FAM13B: variants seen among roughly 807,000 people sequenced by gnomAD.
FAM13B encodes the protein protein FAM13B.
Under a neutral mutation model 117.3 loss-of-function variants are expected in FAM13B, and 60 were observed. That is an observed-to-expected ratio of 0.51 (90% CI 0.42 to 0.63). FAM13B has a LOEUF of 0.63. FAM13B is among the 30% of genes least tolerant of loss of function. The pLI is 0.00. For missense variants in FAM13B, 972 were observed against 1,091.9 expected, an observed-to-expected ratio of 0.89 and a Z score of 1.55; for synonymous variants, 332 against 356.1, an observed-to-expected ratio of 0.93 and a Z score of 0.76.
intron 17 of FAM13B, among the ~76,000 whole-genome samples, chr5:137,949,480 A>T (rs989038180): frequency 5.3e-5 from 8 of 152,108 alleles, no homozygotes; most frequent in African/African-American, 1.9e-4. Context: ...TCTACAAAAA[A>T]TTTTTTAAAT....
At chr5:138,006,668 T>C (rs1782646904) in intron 7 of FAM13B, among the ~76,000 whole-genome samples, 1 of 152,260 alleles carries the variant, frequency 6.6e-6, no homozygotes, top group South Asian at 2.1e-4. Context: ...GATATACAAG[T>C]CAATTCAGTC....
At chr5:137,976,101 C>T (rs181290953) in intron 10 of FAM13B, among the ~76,000 whole-genome samples, 146 of 150,874 alleles carry the variant, frequency 9.7e-4, no homozygotes, top group African/African-American at 3.3e-3. Flanking sequence ...GGACTACAGG[C>T]GCCTGCCACC....
At chr5:137,952,046 A>G (rs2150207485) in intron 17 of FAM13B, among the ~76,000 whole-genome samples, 1 of 152,356 alleles carries the variant, frequency 6.6e-6, no homozygotes, top group East Asian at 1.9e-4. Flanking sequence ...GATGCTCCAG[A>G]TAATAAACCC....
intron 4 of FAM13B, among the ~76,000 whole-genome samples, chr5:138,016,590 C>A (rs1475518864): frequency 2.6e-5 from 4 of 152,064 alleles, no homozygotes; most frequent in Non-Finnish European, 5.9e-5. Flanking sequence ...ACTAGGATCA[C>A]ACCACTGCAC....
intron 13 of FAM13B, among the ~76,000 whole-genome samples, chr5:137,957,930 G>C (rs1012303016): frequency 6.6e-6 from 1 of 152,182 alleles, no homozygotes; most frequent in African/African-American, 2.4e-5. Context: ...GAACGCTGAC[G>C]CTAGACAGAG....
intron 22 of FAM13B, 85 bp downstream of exon 22, chr5:137,942,790 T>G (rs1371872258): frequency 6.1e-6 from 7 of 1,156,580 alleles, no homozygotes; most frequent in Non-Finnish European, 8.5e-6. Flanking sequence ...TCCTATTAAT[T>G]CCTTAATACT....
chr5:137,969,836 A>G (rs1026731573), intron 10 of FAM13B, among the ~76,000 whole-genome samples: 11 of 152,352 alleles, frequency 7.2e-5, no homozygotes, highest in East Asian at 1.9e-4. Context: ...GAGCCGATGC[A>G]ATCAACTGGA....
chr5:137,987,457 T>G lies in FAM13B; in HGVS notation c.1046+4A>C, dbSNP rs907855805. ...TTAATAAACAACAGTAAAATGTTTC[T>G]TACTGGTTATTAGATCCTTCCCCAT... On this transcript the variant is annotated splice_donor_region_variant and intron_variant, in intron 9 of 23. Coordinates refer to ENST00000689681, the MANE Select transcript of FAM13B (RefSeq NM_001385994.1). 14 of 1,604,610 alleles carry G rather than the reference T, an allele frequency of 8.7e-6. No individual in the cohort carries two copies. Among genetic ancestry groups the G allele is most frequent in the Non-Finnish European group, 1.2e-5 (14 of 1,176,062 alleles).
intron 1 of FAM13B, among the ~76,000 whole-genome samples, chr5:138,026,313 C>T (rs1263977892): frequency 6.6e-6 from 1 of 152,056 alleles, no homozygotes; most frequent in Admixed American, 6.6e-5. Context: ...ATAAACCATA[C>T]TTCAACAAAG....
At chr5:138,020,910 T>G in intron 2 of FAM13B, 121 bp downstream of exon 2, 2 of 530,928 alleles carry the variant, frequency 3.8e-6, no homozygotes, top group Non-Finnish European at 5.7e-6. Flanking sequence ...TTCTTCAATG[T>G]ATCTGGTGCC....
Position 137,940,220 on chromosome 5 carries a change from G to T in FAM13B, c.*5C>A. 1.2e-6 allele frequency: 2 copies of T among 1,613,796 alleles called. No individual in the cohort carries two copies. The highest frequency in any genetic ancestry group is 8.5e-7 in the Non-Finnish European group (1 of 1,179,830). On this transcript the variant is annotated 3_prime_UTR_variant, in exon 24 of 24. Transcript: ENST00000689681. ...TTTATGATATGAATTTTCAAGGAAC[G>T]TATCTTATATGGATTTTGAAGAATC...
intron 13 of FAM13B, among the ~76,000 whole-genome samples, chr5:137,957,269 C>T (rs1428337038): frequency 3.9e-5 from 6 of 152,012 alleles, no homozygotes; most frequent in East Asian, 3.9e-4. Context: ...TGGCCGGGCA[C>T]GGTGGCTCAC....
At chr5:137,990,931 C>G (rs1270223996) in intron 7 of FAM13B, among the ~76,000 whole-genome samples, 3 of 152,096 alleles carry the variant, frequency 2.0e-5, no homozygotes, top group Non-Finnish European at 4.4e-5. Flanking sequence ...TTATGGAAAT[C>G]TATTTAGTAA....
At chr5:137,968,587 C>T (rs1770870327) in intron 10 of FAM13B, among the ~76,000 whole-genome samples, 1 of 151,682 alleles carries the variant, frequency 6.6e-6, no homozygotes, top group Non-Finnish European at 1.5e-5. Context: ...CATTAAAAAG[C>T]AATTTGTGGG....
At chr5:138,025,311 G>A (rs199846922) in intron 1 of FAM13B, among the ~76,000 whole-genome samples, 1,097 of 19,366 alleles carry the variant, frequency 0.057, 1 homozygote, top group Non-Finnish European at 0.089. Context: ...ATATATATAT[G>A]TATTTTTTTT....
Position 137,946,303 on chromosome 5 carries a change from G to T in FAM13B, c.2169C>A (p.Thr723=). 1 of 1,549,418 alleles carries T rather than the reference G, an allele frequency of 6.5e-7. No individual in the cohort carries two copies. Among genetic ancestry groups the T allele is most frequent in the Non-Finnish European group, 8.7e-7 (1 of 1,154,274 alleles). The change falls in exon 19 of 24, where the codon ACC becomes ACA. Residue 723 remains threonine (T), a synonymous_variant. Transcript: ENST00000689681. The part of the protein sequence containing the change: ...RCLPEDIKKM[T]KDHLVEEKAS... ...CTTTCTCTTCTACCAAATGATCTTTGGTCATTTTCTGGAATTAAACAAAAA... is the reference window on the plus strand; with the variant it reads ...CTTTCTCTTCTACCAAATGATCTTTTGTCATTTTCTGGAATTAAACAAAAA...
In FAM13B at chr5:137,959,648, A is replaced by G. The variant is rs778517475; in HGVS notation, c.1409T>C (p.Leu470Pro). 1.2e-6 allele frequency: 2 copies of G among 1,613,982 alleles called. No individual in the cohort carries two copies. The highest frequency in any genetic ancestry group is 1.1e-5 in the South Asian group (1 of 91,054). ...TTTATCACCATCAGAAACATTCTTC[A>G]GATCTAAATGTGGAATACTGACACA... Reference protein sequence around the residue: ...AACVSIPHLDLKNVSDGDKWE... With the variant: ...AACVSIPHLDPKNVSDGDKWE... The change falls in exon 13 of 24, where the codon CTG becomes CCG. Residue 470 changes from leucine (L) to proline (P), a missense_variant. Physicochemically the swap from Leu to Pro is moderately conservative, Grantham distance 98 (BLOSUM62 -3). Coordinates refer to ENST00000689681, the MANE Select transcript of FAM13B (RefSeq NM_001385994.1).
At chr5:137,968,372 T>A (rs531290810) in intron 10 of FAM13B, among the ~76,000 whole-genome samples, 27 of 145,388 alleles carry the variant, frequency 1.9e-4, no homozygotes, top group Non-Finnish European at 1.0e-4. Flanking sequence ...ATCTGGGAGG[T>A]AGAGGCTGCA....
At chr5:137,993,051 C>T (rs1236685518) in intron 7 of FAM13B, among the ~76,000 whole-genome samples, 3 of 152,142 alleles carry the variant, frequency 2.0e-5, no homozygotes, top group Admixed American at 6.5e-5. Context: ...AAATCTCAAA[C>T]TTACACAGTG....
Sources: gnomAD v4.1 joint callset for allele counts (sites outside exome capture counted in the v4.1 genomes callset) on GRCh38, gnomAD v4.1.1 for gene constraint, MANE v1.5 for transcripts, NCBI Gene and HGNC (gene_info 2026-07-23, HGNC 2026-07-21) for gene names.